Variants in MORC1 observed in about 807,000 individuals in gnomAD.
MORC1 encodes MORC family CW-type zinc finger protein 1.
Under a neutral mutation model 134.9 loss-of-function variants are expected in MORC1, and 59 were observed. The ratio of observed to expected loss-of-function variants is 0.44; its 90% CI spans 0.35 to 0.54. The LOEUF is 0.54. MORC1 is among the 20% of genes least tolerant of loss of function. MORC1 has a pLI of 0.00. For missense variants in MORC1, 947 were observed against 1,134.5 expected (o/e 0.83, Z 2.37); for synonymous variants, 395 against 391.7 (o/e 1.01, Z -0.10).
At chr3:109,072,543 T>C (rs1388580365) in intron 8 of MORC1, among the ~76,000 whole-genome samples, 1 of 152,206 alleles carries the variant, frequency 6.6e-6, no homozygotes, top group Non-Finnish European at 1.5e-5. Context: ...AATAAAAATA[T>C]GTTGAATAAA....
At chr3:109,042,890 CA>C (rs144265822) in intron 14 of MORC1, among the ~76,000 whole-genome samples, 8,291 of 151,866 alleles carry the variant, frequency 0.055, 325 homozygotes, top group South Asian at 0.17. Context: ...CTCATAGAAG[CA>C]CAGAGTAGAA....
chr3:109,117,578 T>C (rs1248027273), intron 1 of MORC1, among the ~76,000 whole-genome samples: 3 of 152,014 alleles, frequency 2.0e-5, no homozygotes, highest in Non-Finnish European at 2.9e-5. Context: ...CTTAGAGAGG[T>C]TACATTTTTG....
intron 16 of MORC1, among the ~76,000 whole-genome samples, chr3:109,029,329 C>A (rs1949178821): frequency 6.6e-6 from 1 of 152,176 alleles, no homozygotes. Flanking sequence ...TCTATACAGG[C>A]TTCTACTTCA....
intron 8 of MORC1, among the ~76,000 whole-genome samples, chr3:109,081,453 CTTTTTTT>C (rs34049870): frequency 2.8e-5 from 3 of 108,180 alleles, no homozygotes; most frequent in Admixed American, 9.8e-5. Flanking sequence ...AAGAATTAAA[CTTTTTTT>C]TTTTTTTTTT....
At chr3:108,972,840 C>T (rs1947429941) in intron 24 of MORC1, among the ~76,000 whole-genome samples, 1 of 152,074 alleles carries the variant, frequency 6.6e-6, no homozygotes, top group Admixed American at 6.6e-5. Context: ...ATTCTTTTGC[C>T]TTTAAATTTA....
chr3:109,086,136 C>T (rs925937999), intron 8 of MORC1, among the ~76,000 whole-genome samples: 1 of 151,816 alleles, frequency 6.6e-6, no homozygotes, highest in African/African-American at 2.4e-5. Flanking sequence ...ATGAAATATA[C>T]AGTTAAATAG....
At chr3:109,063,465 A>G (rs951486888) in intron 9 of MORC1, among the ~76,000 whole-genome samples, 2 of 152,176 alleles carry the variant, frequency 1.3e-5, no homozygotes, top group Non-Finnish European at 2.9e-5. Context: ...GCGATAAGAA[A>G]ATCTGCCCAC....
intron 14 of MORC1, among the ~76,000 whole-genome samples, chr3:109,038,336 A>T (rs1450133280): frequency 6.7e-6 from 1 of 149,272 alleles, no homozygotes; most frequent in Non-Finnish European, 1.5e-5. Flanking sequence ...TTCTGATATT[A>T]GTCCTTTGCC....
rs753722229 is a variant in MORC1 at position 108,961,662 on chromosome 3, C to A, written c.2799+1752G>T. Among the ~76,000 whole-genome samples, 175 of 152,174 alleles carry A rather than the reference C, an allele frequency of 1.1e-3. 2 individuals are homozygous for A. Among genetic ancestry groups the A allele is most frequent in the Admixed American group, 1.1e-3 (17 of 15,282 alleles). On this transcript the variant is annotated intron_variant, in intron 27 of 27. Transcript: ENST00000232603. Reference sequence around the variant, plus strand: ...CATTTGGGCAGGAGCCCTTTGAGTACCTCTCCACTGAGATTAGGCAAAAGA... The same window carrying A: ...CATTTGGGCAGGAGCCCTTTGAGTAACTCTCCACTGAGATTAGGCAAAAGA...
At chr3:109,055,460 G>T (rs1343333500) in intron 13 of MORC1, among the ~76,000 whole-genome samples, 1 of 152,096 alleles carries the variant, frequency 6.6e-6, no homozygotes, top group African/African-American at 2.4e-5. Flanking sequence ...CTTTTGCACG[G>T]CACATGTGTC....
chr3:108,966,422 G>A (rs1268676726), intron 26 of MORC1, among the ~76,000 whole-genome samples: 1 of 152,022 alleles, frequency 6.6e-6, no homozygotes, highest in African/African-American at 2.4e-5. Context: ...TGTTTATGTT[G>A]GCAGTCACTA....
chr3:108,991,830 T>C (rs1408504340), intron 21 of MORC1, among the ~76,000 whole-genome samples: 1 of 152,186 alleles, frequency 6.6e-6, no homozygotes, highest in African/African-American at 2.4e-5. Flanking sequence ...AGTACTGTTT[T>C]TGTTCCAGAT....
chr3:109,037,767 T>C (rs1009217379), intron 14 of MORC1, among the ~76,000 whole-genome samples: 3 of 152,076 alleles, frequency 2.0e-5, no homozygotes, highest in Non-Finnish European at 2.9e-5. Context: ...GCAAAGGATA[T>C]GAACTCATCC....
chr3:109,035,339 C>T lies in MORC1; in HGVS notation c.1459+1G>A, dbSNP rs755762233. ...TAATTATAATGGACTTCAACACTCACCACATTGTATGATGAATGGGATACC... is the reference window on the plus strand; with the variant it reads ...TAATTATAATGGACTTCAACACTCATCACATTGTATGATGAATGGGATACC... On this transcript the variant is annotated splice_donor_variant, in intron 15 of 27. Coordinates refer to ENST00000232603, the MANE Select transcript of MORC1 (RefSeq NM_014429.4). LOFTEE classifies it high-confidence loss of function. 1 of 1,585,212 alleles carries T rather than the reference C, an allele frequency of 6.3e-7. No individual in the cohort carries two copies. Among genetic ancestry groups the T allele is most frequent in the East Asian group, 2.2e-5 (1 of 44,484 alleles).
At chr3:109,114,318 A>G in intron 2 of MORC1, 66 bp downstream of exon 2, 2 of 1,344,440 alleles carry the variant, frequency 1.5e-6, no homozygotes, top group Non-Finnish European at 1.0e-6. Flanking sequence ...TTATCTTCCC[A>G]TGTAATTAGA....
chr3:109,008,086 C>A, intron 17 of MORC1, among the ~76,000 whole-genome samples: 1 of 152,050 alleles, frequency 6.6e-6, no homozygotes, highest in East Asian at 1.9e-4. Flanking sequence ...AGAGGTTTTT[C>A]TCTTTAGTGT....
intron 11 of MORC1, among the ~76,000 whole-genome samples, chr3:109,060,926 A>G (rs1345313092): frequency 6.6e-6 from 1 of 152,152 alleles, no homozygotes. Flanking sequence ...CAAAATTTTA[A>G]AAAGCTTAAA....
intron 24 of MORC1, among the ~76,000 whole-genome samples, chr3:108,975,916 A>G (rs897499323): frequency 9.2e-5 from 14 of 152,166 alleles, no homozygotes; most frequent in African/African-American, 2.9e-4. Context: ...CCAATATTTA[A>G]AAGTATTTTA....
intron 8 of MORC1, among the ~76,000 whole-genome samples, chr3:109,074,107 G>A (rs769703234): frequency 1.3e-5 from 2 of 152,110 alleles, no homozygotes; most frequent in East Asian, 1.9e-4. Context: ...TGCTGGCAAC[G>A]TGGCACCTAA....
Sources: gnomAD v4.1 joint callset for allele counts (sites outside exome capture counted in the v4.1 genomes callset) on GRCh38, gnomAD v4.1.1 for gene constraint, MANE v1.5 for transcripts, NCBI Gene and HGNC (gene_info 2026-07-23, HGNC 2026-07-21) for gene names.